The following C2orf76 variants were observed in gnomAD, a reference collection of about 807,000 sequenced individuals.
C2orf76 encodes the protein chromosome 2 open reading frame 76.
A neutral mutation model predicts 16.9 loss-of-function variants in C2orf76; 23 were observed. The observed-to-expected ratio is 1.36, with a 90% CI of 0.98 to 1.93. C2orf76 has a LOEUF of 1.93. C2orf76 is among the 30% of genes most tolerant of loss of function. The pLI is 0.00. For missense variants in C2orf76, 152 were observed against 152.6 expected, an observed-to-expected ratio of 1.00 and a Z score of 0.02; for synonymous variants, 48 against 52.3, an observed-to-expected ratio of 0.92 and a Z score of 0.35.
At chr2:119,360,836 G>T (rs1680721992) in intron 1 of C2orf76, among the ~76,000 whole-genome samples, 1 of 152,184 alleles carries the variant, frequency 6.6e-6, no homozygotes, top group Non-Finnish European at 1.5e-5. Context: ...CAACAAGCTA[G>T]ATGAATCACC....
intron 5 of C2orf76, among the ~76,000 whole-genome samples, chr2:119,308,042 C>T (rs1678853916): frequency 6.6e-6 from 1 of 152,148 alleles, no homozygotes; most frequent in Non-Finnish European, 1.5e-5. Context: ...AATAGAGTTT[C>T]AGAGAGGATA....
At chr2:119,334,379 CA>C (rs34753333) in intron 2 of C2orf76, among the ~76,000 whole-genome samples, 893 of 71,158 alleles carry the variant, frequency 0.013, 1 homozygote, top group Middle Eastern at 0.026. Context: ...GTATGCAAAG[CA>C]AAAAAAAAAA....
intron 1 of C2orf76, among the ~76,000 whole-genome samples, chr2:119,355,117 T>C (rs1426721756): frequency 2.0e-5 from 3 of 152,206 alleles, no homozygotes; most frequent in East Asian, 1.9e-4. Context: ...TTCTGGACAG[T>C]TGAGTTTTCC....
chr2:119,333,719 C>A (rs1679748071), intron 2 of C2orf76, among the ~76,000 whole-genome samples: 1 of 152,236 alleles, frequency 6.6e-6, no homozygotes, highest in Non-Finnish European at 1.5e-5. Context: ...CCCTGACCTA[C>A]ATGGTAATCC....
chr2:119,341,323 A>G (rs544022383), intron 1 of C2orf76, among the ~76,000 whole-genome samples: 1 of 152,256 alleles, frequency 6.6e-6, no homozygotes, highest in East Asian at 1.9e-4. Context: ...TTTCTGTTAT[A>G]TATCAGCAAT....
At chr2:119,292,364 G>GT in the C2orf76 span, among the ~76,000 whole-genome samples, 4,131 of 151,940 alleles carry the variant, frequency 0.027, 193 homozygotes, top group African/African-American at 0.092. Flanking sequence ...GTTTTGTTTT[G>GT]TTTTTTTTCC....
At chr2:119,318,046 T>C (rs927714625) in intron 3 of C2orf76, among the ~76,000 whole-genome samples, 2 of 152,014 alleles carry the variant, frequency 1.3e-5, no homozygotes, top group African/African-American at 4.8e-5. Context: ...TGTCTCTTGG[T>C]TTGCAAATAC....
chr2:119,318,047 T>A (rs927579908), intron 3 of C2orf76, among the ~76,000 whole-genome samples: 3 of 152,038 alleles, frequency 2.0e-5, no homozygotes, highest in Non-Finnish European at 2.9e-5. Flanking sequence ...GTCTCTTGGT[T>A]TGCAAATACT....
the C2orf76 span, among the ~76,000 whole-genome samples, chr2:119,282,182 G>T: frequency 6.6e-6 from 1 of 152,068 alleles, no homozygotes; most frequent in Non-Finnish European, 1.5e-5. Flanking sequence ...TTGGGAAAGT[G>T]AGAGGTGTCC....
At chr2:119,361,566 C>A (rs1438686002) in intron 1 of C2orf76, among the ~76,000 whole-genome samples, 1 of 151,808 alleles carries the variant, frequency 6.6e-6, no homozygotes, top group Non-Finnish European at 1.5e-5. Flanking sequence ...TATAAGTAAC[C>A]TAGAGATTAT....
downstream of C2orf76, among the ~76,000 whole-genome samples, chr2:119,301,511 A>G (rs1678621786): frequency 6.6e-6 from 1 of 152,034 alleles, no homozygotes; most frequent in Non-Finnish European, 1.5e-5. Context: ...CTCAGGGAGC[A>G]ATGGCAGAGC....
At position 119,302,328 on chromosome 2, in the gene C2orf76, T is replaced by A; in HGVS notation, c.*144A>T. The A allele has an allele frequency of 2.6e-6, 1 of 389,008 alleles. No homozygotes were observed. Among genetic ancestry groups the A allele is most frequent in the Non-Finnish European group, 4.6e-6 (1 of 215,494 alleles). 24.1% of individuals were successfully genotyped at this position (389,008 alleles called of 1,614,324 possible). A position where few individuals can be genotyped will look rare whatever the true frequency, so the allele number is the denominator to read the frequency against. On this transcript the variant is annotated 3_prime_UTR_variant, in exon 6 of 6. Transcript: ENST00000334816. ...AAAAAGAAAGAGAGAAGGAAAGACC[T>A]GAAGAGAAAGAAATAACCAGATTTT...
chr2:119,338,349 CT>C (rs1176272100), intron 2 of C2orf76, among the ~76,000 whole-genome samples: 2 of 152,238 alleles, frequency 1.3e-5, no homozygotes, highest in African/African-American at 4.8e-5. Flanking sequence ...CTTTAGACCC[CT>C]ATCAGTCTGG....
At chr2:119,346,927 G>T (rs975609871) in intron 1 of C2orf76, among the ~76,000 whole-genome samples, 3 of 152,242 alleles carry the variant, frequency 2.0e-5, no homozygotes, top group African/African-American at 7.2e-5. Flanking sequence ...GAAAGTGGAT[G>T]AAGGGAAATG....
At chr2:119,316,373 T>C (rs1489972175) in intron 4 of C2orf76, among the ~76,000 whole-genome samples, 2 of 152,220 alleles carry the variant, frequency 1.3e-5, no homozygotes, top group African/African-American at 4.8e-5. Context: ...AAAATAAAGT[T>C]ACTAGAAGGA....
chr2:119,361,402 T>G (rs1224158685), intron 1 of C2orf76, among the ~76,000 whole-genome samples: 1 of 152,220 alleles, frequency 6.6e-6, no homozygotes, highest in African/African-American at 2.4e-5. Context: ...CAGTCAGCCC[T>G]CCATATCTGT....
chr2:119,296,267 C>T, the C2orf76 span, among the ~76,000 whole-genome samples: 1 of 152,116 alleles, frequency 6.6e-6, no homozygotes, highest in Non-Finnish European at 1.5e-5. Context: ...AAATATTAAC[C>T]TCAGACCAAT....
intron 2 of C2orf76, among the ~76,000 whole-genome samples, chr2:119,325,429 C>T (rs1679477788): frequency 7.1e-6 from 1 of 140,422 alleles, no homozygotes; most frequent in Admixed American, 7.5e-5. Flanking sequence ...CATTGTACTC[C>T]AGCCTGGGCG....
chr2:119,364,124 GGA>G (rs1680844549), intron 1 of C2orf76, among the ~76,000 whole-genome samples: 1 of 151,956 alleles, frequency 6.6e-6, no homozygotes, highest in African/African-American at 2.4e-5. Context: ...AGAGGAGAGA[GGA>G]GAGAGAAGAG....
Sources: gnomAD v4.1 joint callset for allele counts (sites outside exome capture counted in the v4.1 genomes callset) on GRCh38, gnomAD v4.1.1 for gene constraint, MANE v1.5 for transcripts, NCBI Gene and HGNC (gene_info 2026-07-23, HGNC 2026-07-21) for gene names.